Variants in MTHFD2L observed in about 807,000 individuals in gnomAD.
MTHFD2L encodes bifunctional methylenetetrahydrofolate dehydrogenase/cyclohydrolase 2, mitochondrial.
MTHFD2L carries 29 observed loss-of-function variants against 34.9 expected under a neutral mutation model. The observed-to-expected ratio is 0.83, with a 90% CI of 0.62 to 1.13. The LOEUF (loss-of-function observed/expected upper bound fraction) is 1.13, where lower values mean the gene tolerates loss of function less well. Ranked by LOEUF, MTHFD2L falls within the 50% of genes most tolerant of loss-of-function variation. The pLI is 0.00. For synonymous variants in MTHFD2L, 167 were observed against 155.7 expected (o/e 1.07, Z -0.54); for missense variants, 481 against 446.5 (o/e 1.08, Z -0.70).
chr4:74,232,421 C>T (rs982616142), intron 6 of MTHFD2L, among the ~76,000 whole-genome samples: 2 of 152,042 alleles, frequency 1.3e-5, no homozygotes, highest in African/African-American at 2.4e-5. Context: ...CTTTATCCAC[C>T]GTCCCAGTCT....
intron 5 of MTHFD2L, among the ~76,000 whole-genome samples, chr4:74,217,262 C>G (rs1737359814): frequency 6.6e-6 from 1 of 151,776 alleles, no homozygotes; most frequent in South Asian, 2.1e-4. Flanking sequence ...TAGGGTTGCC[C>G]CTGACCACCT....
At chr4:74,126,370 T>C (rs1356836719) in intron 1 of MTHFD2L, among the ~76,000 whole-genome samples, 1 of 152,164 alleles carries the variant, frequency 6.6e-6, no homozygotes, top group Non-Finnish European at 1.5e-5. Flanking sequence ...AAAAAGAAGA[T>C]AATTACTCAA....
intron 6 of MTHFD2L, among the ~76,000 whole-genome samples, chr4:74,265,558 A>T (rs1745188648): frequency 6.6e-6 from 1 of 152,174 alleles, no homozygotes; most frequent in Admixed American, 6.5e-5. Flanking sequence ...GACTACTATT[A>T]TCGCAATTAT....
At chr4:74,145,182 A>G (rs2109843533) in intron 1 of MTHFD2L, among the ~76,000 whole-genome samples, 1 of 152,204 alleles carries the variant, frequency 6.6e-6, no homozygotes, top group South Asian at 2.1e-4. Flanking sequence ...AAAAACCCAA[A>G]TCATTCTGTA....
At chr4:74,185,363 T>C (rs112326387) in intron 3 of MTHFD2L, among the ~76,000 whole-genome samples, 275 of 151,964 alleles carry the variant, frequency 1.8e-3, no homozygotes, top group Non-Finnish European at 2.9e-3. Context: ...TAAACACATA[T>C]CTTAGAAAAG....
At chr4:74,151,318 C>T (rs1169505000) in intron 1 of MTHFD2L, among the ~76,000 whole-genome samples, 1 of 152,132 alleles carries the variant, frequency 6.6e-6, no homozygotes, top group Non-Finnish European at 1.5e-5. Flanking sequence ...CTCCTTATTA[C>T]ACAGATTCAA....
chr4:74,215,028 ATGG>A (rs1736959468), intron 5 of MTHFD2L, among the ~76,000 whole-genome samples: 1 of 151,656 alleles, frequency 6.6e-6, no homozygotes, highest in South Asian at 2.1e-4. Context: ...GCCTCAGTAA[ATGG>A]TGGACTGCCC....
chr4:74,189,492 T>C (rs1044473749), intron 3 of MTHFD2L, among the ~76,000 whole-genome samples: 53 of 147,262 alleles, frequency 3.6e-4, no homozygotes, highest in Admixed American at 6.7e-4. Context: ...TTCCTTTTTT[T>C]TTTTTTTTTT....
intron 1 of MTHFD2L, among the ~76,000 whole-genome samples, chr4:74,151,663 C>T (rs1723948355): frequency 6.6e-6 from 1 of 152,130 alleles, no homozygotes; most frequent in South Asian, 2.1e-4. Flanking sequence ...GAAACATATG[C>T]TGTTATTATT....
chr4:74,163,576 C>T (rs12512229), intron 1 of MTHFD2L, among the ~76,000 whole-genome samples: 1,849 of 152,248 alleles, frequency 0.012, 13 homozygotes, highest in Non-Finnish European at 0.02. Context: ...AAAATTACTT[C>T]AAGATGTGAA....
rs567105161 is a variant in MTHFD2L, at chr4:74,188,816, G to GTA, written c.452-10970_452-10969dup. On this transcript the variant is annotated intron_variant, in intron 3 of 7. Coordinates refer to ENST00000325278, the MANE Select transcript of MTHFD2L (RefSeq NM_001144978.3). The stretch of plus-strand genomic sequence containing the variant: ...GGTATATATATATGTGTATACATAT[G>GTA]TATATATATGGGTATATATATATCA... Among the ~76,000 whole-genome samples the GTA allele has an allele frequency of 2.2e-4, 33 of 149,302 alleles. 1 individual carries two copies. The highest frequency in any genetic ancestry group is 7.2e-4 in the African/African-American group (29 of 40,482).
At chr4:74,201,051 T>A (rs1560480587) in intron 4 of MTHFD2L, among the ~76,000 whole-genome samples, 1 of 152,222 alleles carries the variant, frequency 6.6e-6, no homozygotes, top group Non-Finnish European at 1.5e-5. Flanking sequence ...TCTGTGGTTT[T>A]TAATGAGTAC....
At chr4:74,166,377 T>C (rs1726703010) in intron 1 of MTHFD2L, among the ~76,000 whole-genome samples, 1 of 152,214 alleles carries the variant, frequency 6.6e-6, no homozygotes, top group South Asian at 2.1e-4. Context: ...CACTTCCCTT[T>C]TTATGTGTCT....
At chr4:74,274,554 C>A (rs2110256562) in intron 6 of MTHFD2L, among the ~76,000 whole-genome samples, 1 of 152,346 alleles carries the variant, frequency 6.6e-6, no homozygotes, top group South Asian at 2.1e-4. Context: ...TTGACTAGAT[C>A]TTTGTGGATC....
At chr4:74,166,819 C>G (rs995740815) in intron 1 of MTHFD2L, among the ~76,000 whole-genome samples, 16 of 152,200 alleles carry the variant, frequency 1.1e-4, no homozygotes, top group African/African-American at 3.9e-4. Context: ...AGTACCAGGT[C>G]AGCTTCCATT....
chr4:74,229,015 T>C (rs972011396), intron 6 of MTHFD2L, among the ~76,000 whole-genome samples: 1 of 152,228 alleles, frequency 6.6e-6, no homozygotes, highest in African/African-American at 2.4e-5. Context: ...CCTTGCTTTT[T>C]TATTTCACCT....
chr4:74,241,613 A>G, intron 6 of MTHFD2L: 1 of 441,282 alleles, frequency 2.3e-6, no homozygotes, highest in Non-Finnish European at 4.6e-6. Flanking sequence ...CCTGAACTCA[A>G]GCGATCCACC....
chr4:74,209,533 T>C (rs754534913), intron 5 of MTHFD2L, among the ~76,000 whole-genome samples: 3 of 152,230 alleles, frequency 2.0e-5, no homozygotes, highest in Admixed American at 6.5e-5. Context: ...CTCATTCTTT[T>C]TTATGGGGGC....
intron 6 of MTHFD2L, among the ~76,000 whole-genome samples, chr4:74,226,067 C>T (rs896061193): frequency 2.0e-5 from 3 of 151,876 alleles, no homozygotes; most frequent in Non-Finnish European, 4.4e-5. Context: ...CTCAAAGTCA[C>T]CAGTTCTTGA....
Sources: gnomAD v4.1 joint callset for allele counts (sites outside exome capture counted in the v4.1 genomes callset) on GRCh38, gnomAD v4.1.1 for gene constraint, MANE v1.5 for transcripts, NCBI Gene and HGNC (gene_info 2026-07-23, HGNC 2026-07-21) for gene names.